The following KHDRBS2 variants were observed in gnomAD, a reference collection of about 807,000 sequenced individuals.
The protein encoded by KHDRBS2 is KH domain-containing, RNA-binding, signal transduction-associated protein 2.
KHDRBS2 carries 26 observed loss-of-function variants against 44.3 expected under a neutral mutation model. The ratio of observed to expected loss-of-function variants is 0.59; its 90% CI spans 0.43 to 0.81. KHDRBS2 has a LOEUF of 0.81. Ranked by LOEUF, KHDRBS2 falls within the 40% of genes least tolerant of loss-of-function variation. The pLI is 0.00. For missense variants in KHDRBS2, 476 were observed against 433.1 expected (o/e 1.10, Z -0.88); for synonymous variants, 194 against 151.1 (o/e 1.28, Z -2.08).
At chr6:61,818,190 T>C (rs1789283782) in intron 6 of KHDRBS2, among the ~76,000 whole-genome samples, 1 of 151,426 alleles carries the variant, frequency 6.6e-6, no homozygotes, top group South Asian at 2.1e-4. Flanking sequence ...AGAAAGGATA[T>C]TTTGCTGCCT....
At chr6:61,816,722 A>G (rs1393067648) in intron 6 of KHDRBS2, 2 of 394,646 alleles carry the variant, frequency 5.1e-6, no homozygotes, top group Non-Finnish European at 1.0e-5. Context: ...GAATAAATCT[A>G]CTAAAATGTA....
chr6:61,621,941 G>A, the KHDRBS2 span, among the ~76,000 whole-genome samples: 1 of 152,156 alleles, frequency 6.6e-6, no homozygotes, highest in Non-Finnish European at 1.5e-5. Flanking sequence ...TCACCATAGA[G>A]ATAGTAAGAA....
chr6:61,642,519 G>A, the KHDRBS2 span, among the ~76,000 whole-genome samples: 3 of 149,160 alleles, frequency 2.0e-5, no homozygotes, highest in Non-Finnish European at 3.0e-5. Context: ...AAGGTTAGCC[G>A]GGCATGGTGG....
rs78601279 is a variant in KHDRBS2, at chr6:61,701,578, G to A, written c.894-4325C>T. Among the ~76,000 whole-genome samples, 130 of 152,018 alleles carry A rather than the reference G, an allele frequency of 8.6e-4. 1 individual carries two copies. Among genetic ancestry groups the A allele is most frequent in the African/African-American group, 3.0e-3 (123 of 41,500 alleles). ...ACTCTACTTTACTGGATTAAGATAC[G>A]GCCATGGATAAGTCCATTTATCCAC... On this transcript the variant is annotated intron_variant, in intron 7 of 8. Coordinates refer to ENST00000281156, the MANE Select transcript of KHDRBS2 (RefSeq NM_152688.4).
intron 6 of KHDRBS2, among the ~76,000 whole-genome samples, chr6:61,738,249 A>G (rs775961638): frequency 6.6e-5 from 10 of 152,058 alleles, no homozygotes; most frequent in Admixed American, 2.0e-4. Flanking sequence ...AAAACCTTCT[A>G]AATAAATTAA....
the KHDRBS2 span, among the ~76,000 whole-genome samples, chr6:61,559,140 C>A: frequency 5.3e-5 from 8 of 152,032 alleles, no homozygotes; most frequent in Non-Finnish European, 8.8e-5. Flanking sequence ...TATCCATTTG[C>A]TGAATTGATT....
intron 1 of KHDRBS2, among the ~76,000 whole-genome samples, chr6:62,285,190 T>G (rs1180516080): frequency 2.0e-5 from 3 of 152,134 alleles, no homozygotes; most frequent in African/African-American, 7.2e-5. Context: ...GAAATCCCCT[T>G]TAACATTACA....
intron 6 of KHDRBS2, among the ~76,000 whole-genome samples, chr6:61,843,137 C>T (rs1793842174): frequency 6.6e-6 from 1 of 151,774 alleles, no homozygotes; most frequent in South Asian, 2.1e-4. Flanking sequence ...GGCAGATTCA[C>T]AAAGACAGAA....
intron 2 of KHDRBS2, among the ~76,000 whole-genome samples, chr6:62,114,484 A>G (rs1434000732): frequency 1.3e-5 from 2 of 152,134 alleles, no homozygotes; most frequent in African/African-American, 2.4e-5. Context: ...ACAGAATGAT[A>G]TCAATTATAA....
the KHDRBS2 span, chr6:61,652,252 T>C: frequency 1.3e-5 from 2 of 152,106 alleles, no homozygotes; most frequent in Non-Finnish European, 2.9e-5. Flanking sequence ...TTATGATACC[T>C]ACTTCTGTTA....
intron 2 of KHDRBS2, among the ~76,000 whole-genome samples, chr6:62,172,262 A>AAACC (rs1276865787): frequency 2.0e-5 from 3 of 152,114 alleles, no homozygotes; most frequent in Non-Finnish European, 2.9e-5. Flanking sequence ...GCAAACAAAC[A>AAACC]AACCAAAAAT....
chr6:61,828,057 C>G (rs1164547784), intron 6 of KHDRBS2, among the ~76,000 whole-genome samples: 1 of 152,156 alleles, frequency 6.6e-6, no homozygotes, highest in Non-Finnish European at 1.5e-5. Context: ...ATCATTCTGG[C>G]ACTGACATGC....
At chr6:61,687,870 A>G (rs1368903051) in intron 8 of KHDRBS2, among the ~76,000 whole-genome samples, 1 of 151,736 alleles carries the variant, frequency 6.6e-6, no homozygotes, top group East Asian at 1.9e-4. Flanking sequence ...CATAATTTTT[A>G]TCAGCTTCTG....
intron 4 of KHDRBS2, among the ~76,000 whole-genome samples, chr6:61,952,606 T>C (rs1204728691): frequency 2.0e-5 from 3 of 152,064 alleles, no homozygotes; most frequent in East Asian, 3.8e-4. Flanking sequence ...GCTCATGGAT[T>C]ATCCTATGAC....
At chr6:61,956,192 C>CA (rs532891817) in intron 4 of KHDRBS2, among the ~76,000 whole-genome samples, 2,488 of 147,198 alleles carry the variant, frequency 0.017, 61 homozygotes, top group African/African-American at 0.055. Flanking sequence ...GACTCCTTGT[C>CA]AAAAAAAAAC....
intron 2 of KHDRBS2, among the ~76,000 whole-genome samples, chr6:62,049,705 C>G (rs1048370662): frequency 6.6e-6 from 1 of 152,012 alleles, no homozygotes; most frequent in East Asian, 1.9e-4. Context: ...AAAATATTCT[C>G]CTGTTCTGTA....
chr6:62,015,206 C>A (rs910536273), intron 3 of KHDRBS2, among the ~76,000 whole-genome samples: 5 of 152,088 alleles, frequency 3.3e-5, no homozygotes, highest in African/African-American at 1.2e-4. Context: ...TAGATTAATA[C>A]ACACATAAAG....
the KHDRBS2 span, among the ~76,000 whole-genome samples, chr6:61,621,218 G>GA: frequency 2.3e-4 from 35 of 152,274 alleles, no homozygotes; most frequent in African/African-American, 7.5e-4. Context: ...TGATAACCTA[G>GA]AAAACCATCC....
chr6:61,610,516 G>A, the KHDRBS2 span, among the ~76,000 whole-genome samples: 1 of 152,136 alleles, frequency 6.6e-6, no homozygotes, highest in Non-Finnish European at 1.5e-5. Context: ...TGAGGCTGTA[G>A]TCACCTAAAA....
Sources: gnomAD v4.1 joint callset for allele counts (sites outside exome capture counted in the v4.1 genomes callset) on GRCh38, gnomAD v4.1.1 for gene constraint, MANE v1.5 for transcripts, NCBI Gene and HGNC (gene_info 2026-07-23, HGNC 2026-07-21) for gene names.